The following VPS39 variants were observed in gnomAD, a reference collection of about 807,000 sequenced individuals.
The protein encoded by VPS39 is vam6/Vps39-like protein.
A neutral mutation model predicts 121.0 loss-of-function variants in VPS39; 70 were observed. That is an observed-to-expected ratio of 0.58 (90% CI 0.48 to 0.71). The LOEUF is 0.71. VPS39 is among the 30% of genes least tolerant of loss of function. The pLI, the probability that VPS39 is intolerant of heterozygous loss-of-function variation, is 0.00. For missense variants in VPS39, 818 were observed against 1,051.5 expected, an observed-to-expected ratio of 0.78 and a Z score of 3.07; for synonymous variants, 378 against 398.1, an observed-to-expected ratio of 0.95 and a Z score of 0.60.
intron 1 of VPS39, among the ~76,000 whole-genome samples, chr15:42,200,843 G>A (rs561415606): frequency 1.3e-5 from 2 of 152,356 alleles, no homozygotes; most frequent in African/African-American, 4.8e-5. Flanking sequence ...AATGTGGCAT[G>A]TCTATATAAC....
chr15:42,197,532 G>A (rs898438698), intron 2 of VPS39, among the ~76,000 whole-genome samples: 39 of 152,150 alleles, frequency 2.6e-4, no homozygotes, highest in South Asian at 6.2e-4. Context: ...CAGCCTAGGC[G>A]ACACAGCAAG....
intron 1 of VPS39, among the ~76,000 whole-genome samples, chr15:42,204,692 T>C (rs2050134735): frequency 6.6e-6 from 1 of 152,082 alleles, no homozygotes; most frequent in Non-Finnish European, 1.5e-5. Flanking sequence ...TAAAATTAAA[T>C]TAAATTTTAT....
chr15:42,166,084 T>C, intron 16 of VPS39, 75 bp downstream of exon 16: 1 of 1,418,684 alleles, frequency 7.0e-7, no homozygotes, highest in Non-Finnish European at 1.0e-6. Flanking sequence ...CACCCTCCTC[T>C]CCATCCACTG....
At position 42,161,749 on chromosome 15, in the gene VPS39, G is replaced by A; in HGVS notation, c.2485C>T (p.Gln829Ter). ...LRVQEERILH[Q>*]QVKCIITEEK... ...TCTGTGATGATGCACTTCACCTGCT[G>A]GTGTAAAATCCGCTCTTCCTGGACC... is the stretch of plus-strand genomic sequence containing the variant. The change falls in exon 24 of 25, where the codon CAG becomes TAG. Residue 829 changes from glutamine (Q) to a stop codon, truncating the protein, a stop_gained. Transcript: ENST00000318006. LOFTEE classifies it high-confidence loss of function. The A allele has an allele frequency of 6.2e-7, 1 of 1,614,120 alleles. No individual in the cohort carries two copies. The highest frequency in any genetic ancestry group is 8.5e-7 in the Non-Finnish European group (1 of 1,180,024).
chr15:42,165,255 C>T (rs999654867), intron 17 of VPS39, 142 bp from the exon 18 acceptor site: 18 of 722,438 alleles, frequency 2.5e-5, no homozygotes, highest in African/African-American at 3.5e-5. Context: ...AGAGACAGCT[C>T]GTCTAAAGCC....
intron 17 of VPS39, 72 bp from the exon 18 acceptor site, chr15:42,165,185 T>C (rs2049218020): frequency 7.0e-7 from 1 of 1,436,980 alleles, no homozygotes; most frequent in South Asian, 1.2e-5. Context: ...CTCCCTCACA[T>C]TTTTAAGGCC....
At chr15:42,167,360 G>C (rs112523150) in intron 13 of VPS39, 34 bp downstream of exon 13, 2 of 1,611,412 alleles carry the variant, frequency 1.2e-6, no homozygotes, top group African/African-American at 1.3e-5. Flanking sequence ...AGGGTAACTG[G>C]GAATTGTGGC....
rs2049093005 is a variant in VPS39 at position 42,159,720 on chromosome 15, A to G, written c.*1034T>C. 1 of 152,418 alleles carries G rather than the reference A, an allele frequency of 6.6e-6. No homozygotes were observed. The highest frequency in any genetic ancestry group is 2.1e-4 in the South Asian group (1 of 4,830). 9.4% of individuals were successfully genotyped at this position (152,418 alleles called of 1,614,324 possible). A position where few individuals can be genotyped will look rare whatever the true frequency, so the allele number is the denominator to read the frequency against. On this transcript the variant is annotated 3_prime_UTR_variant, in exon 25 of 25. Coordinates refer to ENST00000318006, the MANE Select transcript of VPS39 (RefSeq NM_015289.5). Reference sequence around the variant, plus strand: ...CAACTCTCCAACCACACCATTGCTGAACAAAGCTGGGGAGTGACGGCCAGG... The same window carrying G: ...CAACTCTCCAACCACACCATTGCTGGACAAAGCTGGGGAGTGACGGCCAGG...
intron 17 of VPS39, 92 bp downstream of exon 17, chr15:42,165,626 T>C: frequency 9.6e-7 from 1 of 1,038,494 alleles, no homozygotes; most frequent in Non-Finnish European, 1.5e-6. Flanking sequence ...CCAAGTGACA[T>C]AAATCCCAAA....
chr15:42,185,485 A>G (rs1428264179), intron 7 of VPS39, among the ~76,000 whole-genome samples: 1 of 152,086 alleles, frequency 6.6e-6, no homozygotes, highest in Admixed American at 6.5e-5. Flanking sequence ...GCCTGGCCAA[A>G]ATCAACTTTG....
intron 7 of VPS39, among the ~76,000 whole-genome samples, chr15:42,185,934 TG>T (rs1458895705): frequency 2.0e-5 from 3 of 152,198 alleles, no homozygotes; most frequent in Non-Finnish European, 4.4e-5. Context: ...ACCCTGAAGG[TG>T]ATGTCAGCAT....
In VPS39 at chr15:42,160,689, AG is replaced by A; in HGVS notation, c.*64del. 1 of 1,456,148 alleles carries A rather than the reference AG, an allele frequency of 6.9e-7. No homozygotes were observed. The highest frequency in any genetic ancestry group is 9.6e-7 in the Non-Finnish European group (1 of 1,036,630). 90.2% of individuals were successfully genotyped at this position (1,456,148 alleles called of 1,614,324 possible). On this transcript the variant is annotated 3_prime_UTR_variant, in exon 25 of 25. Coordinates refer to ENST00000318006, the MANE Select transcript of VPS39 (RefSeq NM_015289.5). ...GGTGGCAGCCAGGATTCCTAAGGCC[AG>A]GTGCTCCTTCACCTCTCTGGGAGAG... is the stretch of plus-strand genomic sequence containing the variant.
rs1266213289 is a variant in VPS39 at position 42,167,541 on chromosome 15, C to T, written c.1234-4G>A. 3.7e-6 allele frequency: 6 copies of T among 1,613,822 alleles called. No individual in the cohort carries two copies. In the Admixed American group the frequency reaches 1.0e-4, roughly 27 times the overall value. ...TCTTTACCAATTGACTTCGTTTCTG[C>T]AAAGGTCAAAATGTGGGGTTAAGGC... is the stretch of plus-strand genomic sequence containing the variant. On this transcript the variant is annotated splice_polypyrimidine_tract_variant and splice_region_variant and intron_variant, in intron 12 of 24. Coordinates refer to ENST00000318006, the MANE Select transcript of VPS39 (RefSeq NM_015289.5).
At chr15:42,196,403 C>G (rs1354733932) in intron 2 of VPS39, among the ~76,000 whole-genome samples, 1 of 152,070 alleles carries the variant, frequency 6.6e-6, no homozygotes, top group Non-Finnish European at 1.5e-5. Flanking sequence ...AATGGGAGAA[C>G]ATTTTTGCAA....
intron 19 of VPS39, 138 bp from the exon 20 acceptor site, chr15:42,163,866 G>A: frequency 1.6e-6 from 1 of 644,752 alleles, no homozygotes; most frequent in Middle Eastern, 4.2e-4. Flanking sequence ...TTTTCTTCAA[G>A]GAGAAAATAA....
rs2049079651 is a variant in VPS39 at position 42,159,146 on chromosome 15, C to T, written c.*1608G>A. ...CTCCGAACTCTGGTGAAGGGCTGCC[C>T]AGCCTCACAGGCCTGAGCAGAGTCT... On this transcript the variant is annotated 3_prime_UTR_variant, in exon 25 of 25. Transcript: ENST00000318006. The T allele has an allele frequency of 6.6e-6, 1 of 152,254 alleles. No homozygotes were observed. The highest frequency in any genetic ancestry group is 1.5e-5 in the Non-Finnish European group (1 of 68,100). 9.4% of individuals were successfully genotyped at this position (152,254 alleles called of 1,614,324 possible). A position where few individuals can be genotyped will look rare whatever the true frequency, so the allele number is the denominator to read the frequency against.
rs760117002 is a variant in VPS39, at chr15:42,160,741, C to T, written c.*13G>A. The T allele has an allele frequency of 1.5e-5, 24 of 1,613,126 alleles. No homozygotes were observed. In the East Asian group the frequency reaches 3.3e-4, roughly 22 times the overall value. ...CCAAGCTGTCCATCCGCTGGATCCCCAGGATGCTGGGCTCAAGTGTCAGCT... is the reference window on the plus strand; with the variant it reads ...CCAAGCTGTCCATCCGCTGGATCCCTAGGATGCTGGGCTCAAGTGTCAGCT... On this transcript the variant is annotated 3_prime_UTR_variant, in exon 25 of 25. Coordinates refer to ENST00000318006, the MANE Select transcript of VPS39 (RefSeq NM_015289.5).
chr15:42,179,365 C>T (rs1205649880), intron 8 of VPS39, among the ~76,000 whole-genome samples: 2 of 150,964 alleles, frequency 1.3e-5, no homozygotes, highest in South Asian at 2.1e-4. Context: ...GTCAGGAGAT[C>T]GAGACCATCC....
chr15:42,196,391 A>C (rs2049938679), intron 2 of VPS39, among the ~76,000 whole-genome samples: 1 of 152,234 alleles, frequency 6.6e-6, no homozygotes. Flanking sequence ...GGCAACCTAC[A>C]GAATGGGAGA....
Sources: gnomAD v4.1 joint callset for allele counts (sites outside exome capture counted in the v4.1 genomes callset) on GRCh38, gnomAD v4.1.1 for gene constraint, MANE v1.5 for transcripts, NCBI Gene and HGNC (gene_info 2026-07-23, HGNC 2026-07-21) for gene names.